Variants in NEDD9 observed in about 807,000 individuals in gnomAD.
The protein encoded by NEDD9 is neural precursor cell expressed, developmentally down-regulated 9.
NEDD9 carries 26 observed loss-of-function variants against 76.6 expected under a neutral mutation model. The ratio of observed to expected loss-of-function variants is 0.34; its 90% CI spans 0.25 to 0.47. The LOEUF is 0.47. Among genes scored for constraint, NEDD9 ranks in the 20% least tolerant of loss-of-function variants. The pLI is 1.00. For synonymous variants in NEDD9, 392 were observed against 414.2 expected, an observed-to-expected ratio of 0.95 and a Z score of 0.65; for missense variants, 937 against 1,058.5, an observed-to-expected ratio of 0.89 and a Z score of 1.59.
intron 3 of NEDD9, among the ~76,000 whole-genome samples, chr6:11,284,686 C>T (rs1266207552): frequency 6.6e-6 from 1 of 151,520 alleles, no homozygotes; most frequent in Non-Finnish European, 1.5e-5. Flanking sequence ...TAGTTTGCTA[C>T]ATAAGCCAAT....
intron 2 of NEDD9, among the ~76,000 whole-genome samples, chr6:11,203,492 G>A (rs1403548447): frequency 2.0e-5 from 3 of 152,174 alleles, no homozygotes; most frequent in Admixed American, 6.5e-5. Context: ...GAACGCTCAG[G>A]TTTAGTTGGA....
intron 1 of NEDD9, among the ~76,000 whole-genome samples, chr6:11,361,072 T>C (rs1762672879): frequency 6.6e-6 from 1 of 152,230 alleles, no homozygotes; most frequent in Non-Finnish European, 1.5e-5. Flanking sequence ...TTAAGCTTTA[T>C]TCAAAAAGTG....
chr6:11,352,263 G>T (rs973007183), intron 1 of NEDD9: 1 of 152,230 alleles, frequency 6.6e-6, no homozygotes, highest in African/African-American at 2.4e-5. Context: ...TCTGGGTGTA[G>T]ATGGAGCATA....
chr6:11,216,563 T>A lies in NEDD9; in HGVS notation c.13-2836A>T, dbSNP rs138658790. ...CTCAGCCACGCAGCATCCTTGTTACTGGGCTCAGTTCCATTATATGATAAA... is the reference window on the plus strand; with the variant it reads ...CTCAGCCACGCAGCATCCTTGTTACAGGGCTCAGTTCCATTATATGATAAA... On this transcript the variant is annotated intron_variant, in intron 1 of 6. Coordinates refer to ENST00000379446, the MANE Select transcript of NEDD9 (RefSeq NM_006403.4). 2.9e-3 allele frequency among the ~76,000 whole-genome samples: 435 copies of A among 152,368 alleles called. 2 individuals carry two copies. The highest frequency in any genetic ancestry group is 9.9e-3 in the African/African-American group (412 of 41,596).
intron 2 of NEDD9, among the ~76,000 whole-genome samples, chr6:11,320,236 A>G (rs1176491883): frequency 3.3e-5 from 5 of 152,236 alleles, no homozygotes; most frequent in African/African-American, 1.2e-4. Context: ...TTAGGTTACG[A>G]TTTTAAAAAT....
At chr6:11,317,428 T>TA (rs1244935045) in intron 2 of NEDD9, among the ~76,000 whole-genome samples, 2,353 of 138,220 alleles carry the variant, frequency 0.017, 65 homozygotes, top group African/African-American at 0.059. Flanking sequence ...AAAAATAAAT[T>TA]AAAAAAAAAA....
chr6:11,263,726 C>A (rs564590881), intron 3 of NEDD9, among the ~76,000 whole-genome samples: 1 of 152,256 alleles, frequency 6.6e-6, no homozygotes, highest in East Asian at 1.9e-4. Flanking sequence ...GCATAGGTGC[C>A]ATTTTTGTCT....
At chr6:11,232,692 A>G, upstream of NEDD9, 1 of 1,459,224 alleles carries the variant, frequency 6.9e-7, no homozygotes, top group Non-Finnish European at 9.0e-7. Context: ...TGACTGAGGC[A>G]GGCTGATCGC....
chr6:11,317,425 A>C (rs993176380), intron 2 of NEDD9, among the ~76,000 whole-genome samples: 2 of 151,506 alleles, frequency 1.3e-5, no homozygotes, highest in African/African-American at 4.9e-5. Flanking sequence ...CAAAAAAATA[A>C]ATTAAAAAAA....
chr6:11,339,576 T>C (rs1041658453), intron 1 of NEDD9, among the ~76,000 whole-genome samples: 14 of 152,232 alleles, frequency 9.2e-5, no homozygotes, highest in Non-Finnish European at 1.8e-4. Flanking sequence ...CACCAGATCA[T>C]ATTTCACCAA....
At chr6:11,233,021 C>T (rs370388809), upstream of NEDD9, among the ~76,000 whole-genome samples, 65 of 152,256 alleles carry the variant, frequency 4.3e-4, no homozygotes, top group African/African-American at 1.5e-3. Context: ...GACCTAGCAA[C>T]TCCTTCATAA....
chr6:11,306,061 C>T, exon 3 of NEDD9: 1 of 1,606,070 alleles, frequency 6.2e-7, no homozygotes, highest in Non-Finnish European at 8.5e-7. Flanking sequence ...CGGCGTTTTA[C>T]TCTTCTGACC....
chr6:11,209,052 G>A (rs904177979), intron 2 of NEDD9, among the ~76,000 whole-genome samples: 1 of 152,092 alleles, frequency 6.6e-6, no homozygotes, highest in Non-Finnish European at 1.5e-5. Flanking sequence ...TGCATATTTA[G>A]AAATCTTTGC....
intron 3 of NEDD9, among the ~76,000 whole-genome samples, chr6:11,287,581 T>C (rs1760678443): frequency 6.6e-6 from 1 of 152,160 alleles, no homozygotes; most frequent in African/African-American, 2.4e-5. Context: ...TTATAAGGGC[T>C]ACAGATAACG....
At chr6:11,304,528 T>A (rs1761129925) in intron 3 of NEDD9, among the ~76,000 whole-genome samples, 1 of 152,202 alleles carries the variant, frequency 6.6e-6, no homozygotes, top group Non-Finnish European at 1.5e-5. Flanking sequence ...GGGGCACTAT[T>A]CACAATAGCA....
intron 1 of NEDD9, among the ~76,000 whole-genome samples, chr6:11,216,872 A>G (rs1007206311): frequency 7.5e-4 from 114 of 152,326 alleles, no homozygotes; most frequent in African/African-American, 2.5e-3. Flanking sequence ...TATCTTGCTC[A>G]GGATTACATT....
intron 3 of NEDD9, 105 bp downstream of exon 3, chr6:11,193,486 G>A: frequency 1.4e-6 from 1 of 733,276 alleles, no homozygotes; most frequent in Non-Finnish European, 2.2e-6. Flanking sequence ...AGCTTCATAT[G>A]ACATATATTA....
rs9368686 is a variant in NEDD9 at position 11,358,275 on chromosome 6, C to G, written c.-213-23714G>C. On this transcript the variant is annotated intron_variant, in intron 1 of 3. Transcript: ENST00000397378. Reference sequence around the variant, plus strand: ...AAAAAAAAAAAAAAAAAAAAAAAAGCAATGGCTCTGCTGTTACATAACGTC... The same window carrying G: ...AAAAAAAAAAAAAAAAAAAAAAAAGGAATGGCTCTGCTGTTACATAACGTC... Among the ~76,000 whole-genome samples the G allele has an allele frequency of 5.8e-4, 69 of 119,768 alleles. No individual in the cohort carries two copies. In the East Asian group the frequency reaches 0.014, roughly 23 times the overall value. The allele number at this position is 119,768 out of a possible 152,430, so 78.6% of individuals were successfully genotyped here. A position where few individuals can be genotyped will look rare whatever the true frequency, so the allele number is the denominator to read the frequency against.
rs1192984474 is a variant in NEDD9 at position 11,252,840 on chromosome 6, A to G, written c.13-39113T>C. On this transcript the variant is annotated intron_variant, in intron 3 of 3. Transcript: ENST00000397378. The surrounding 1 kb of genome is among the most constrained non-coding windows in gnomAD (Gnocchi z 4.3). ...AGAAAATACATACTTTACATATTCTAAAAATAAATAAATAAAAATTAGACA... is the reference window on the plus strand; with the variant it reads ...AGAAAATACATACTTTACATATTCTGAAAATAAATAAATAAAAATTAGACA... Among the ~76,000 whole-genome samples the G allele has an allele frequency of 6.6e-6, 1 of 152,236 alleles. No individual in the cohort carries two copies. Among genetic ancestry groups the G allele is most frequent in the African/African-American group, 2.4e-5 (1 of 41,470 alleles).
Sources: allele counts gnomAD v4.1 joint callset (sites outside exome capture counted in the v4.1 genomes callset), GRCh38; gene constraint gnomAD v4.1.1; non-coding constraint Gnocchi (gnomAD v3.1); transcripts MANE v1.5; gene names NCBI Gene and HGNC (gene_info 2026-07-23, HGNC 2026-07-21).